The following MRPL11 variants were observed in gnomAD, a reference collection of about 807,000 sequenced individuals.
MRPL11 encodes the protein large ribosomal subunit protein uL11m.
MRPL11 carries 21 observed loss-of-function variants against 19.1 expected under a neutral mutation model. The ratio of observed to expected loss-of-function variants is 1.10; its 90% CI spans 0.78 to 1.58. The LOEUF (loss-of-function observed/expected upper bound fraction) is 1.58. MRPL11 is among the 40% of genes most tolerant of loss of function. MRPL11 has a pLI of 0.00. For missense variants in MRPL11, 242 were observed against 243.9 expected (o/e 0.99, Z 0.05); for synonymous variants, 108 against 99.7 (o/e 1.08, Z -0.49).
Position 66,435,847 on chromosome 11 carries a change from A to T in MRPL11, c.*160T>A. On this transcript the variant is annotated 3_prime_UTR_variant, in exon 5 of 5. Transcript: ENST00000310999. ...AGAAGATGACAGTGGGTAAGAAAGG[A>T]TGTTTATTCAGGCCTGATGCCTCGA... 1.7e-6 allele frequency: 1 copy of T among 599,894 alleles called. No homozygotes were observed. The highest frequency in any genetic ancestry group is 3.0e-6 in the Non-Finnish European group (1 of 331,178). 37.2% of individuals were successfully genotyped at this position (599,894 alleles called of 1,614,324 possible).
Position 66,438,231 on chromosome 11 carries a change from T to C in MRPL11, c.152A>G (p.Lys51Arg), listed in dbSNP as rs773074833. ...GTCCTTTGTCCTCTCATTGAACTCCTTGCAAAACTGGTTGATGGAAACGCC... is the reference window on the plus strand; with the variant it reads ...GTCCTTTGTCCTCTCATTGAACTCCCTGCAAAACTGGTTGATGGAAACGCC... The part of the protein sequence containing the change: ...QRGVSINQFC[K>R]EFNERTKDIK... The change falls in exon 2 of 5, where the codon AAG (lysine) becomes AGG (arginine). Residue 51 changes from lysine to arginine, a missense_variant. Coordinates refer to ENST00000310999, the MANE Select transcript of MRPL11 (RefSeq NM_016050.5). 4 of 1,614,014 alleles carry C rather than the reference T, an allele frequency of 2.5e-6. No homozygotes were observed. The highest frequency in any genetic ancestry group is 3.4e-6 in the Non-Finnish European group (4 of 1,179,900).
rs564751720 is a variant in MRPL11, at chr11:66,437,500, C to G, written c.220-57G>C. 1.9e-4 allele frequency: 281 copies of G among 1,498,352 alleles called. 6 individuals carry two copies. In the South Asian group the frequency reaches 3.1e-3, roughly 17 times the overall value. 92.8% of individuals were successfully genotyped at this position (1,498,352 alleles called of 1,614,324 possible). ...CTTCCTACTGCCCCATCCCAGGGAACTTCTAATGTCTTGCCCCCTGCTTCC... is the reference window on the plus strand; with the variant it reads ...CTTCCTACTGCCCCATCCCAGGGAAGTTCTAATGTCTTGCCCCCTGCTTCC... On this transcript the variant is annotated intron_variant, in intron 2 of 4. Transcript: ENST00000310999.
chr11:66,437,464 T>C (rs749743233), intron 2 of MRPL11, 21 bp from the exon 3 acceptor site: 35 of 1,609,198 alleles, frequency 2.2e-5, no homozygotes, highest in Non-Finnish European at 2.8e-5. Flanking sequence ...AAAAGAAATA[T>C]GAGATTCTCT....
chr11:66,437,590 G>C, intron 2 of MRPL11, 147 bp from the exon 3 acceptor site: 1 of 773,428 alleles, frequency 1.3e-6, no homozygotes, highest in South Asian at 1.8e-5. Flanking sequence ...AAATAAATCG[G>C]GGTCAGGCGC....
rs1856954253 is a variant in MRPL11 at position 66,435,816 on chromosome 11, C to T, written c.*191G>A. The T allele has an allele frequency of 5.3e-6, 3 of 563,874 alleles. No homozygotes were observed. The East Asian group carries it at 8.9e-5, about 17-fold the overall frequency. The allele number at this position is 563,874 out of a possible 1,614,324, so 34.9% of individuals were successfully genotyped here. On this transcript the variant is annotated 3_prime_UTR_variant, in exon 5 of 5. Coordinates refer to ENST00000310999, the MANE Select transcript of MRPL11 (RefSeq NM_016050.5). ...GTACTGGTTCCCTTCCCTGAGGTCC[C>T]AAGATAGAAGATGACAGTGGGTAAG...
chr11:66,438,548 G>C (rs1259905599), intron 1 of MRPL11, 84 bp downstream of exon 1: 2 of 1,470,638 alleles, frequency 1.4e-6, no homozygotes, highest in Non-Finnish European at 1.8e-6. Context: ...GGCCCGGGTG[G>C]TTCCAGGGCC....
At chr11:66,438,534 C>G in intron 1 of MRPL11, 98 bp downstream of exon 1, 1 of 1,452,642 alleles carries the variant, frequency 6.9e-7, no homozygotes, top group Non-Finnish European at 9.2e-7. Context: ...GAGCTCTGAA[C>G]CGAGGCCCGG....
rs1385709803 is a variant in MRPL11, at chr11:66,438,647, G to C, written c.108C>G (p.Gly36=). The part of the protein sequence containing the change: ...AGLAMPGPPL[G]PVLGQRGVSI... The stretch of plus-strand genomic sequence containing the variant: ...ACGGCCGCACCTGACCCAGCACTGG[G>C]CCTAGTGGGGGCCCGGGCATGGCCA... The change falls in exon 1 of 5, where the codon GGC becomes GGG. Residue 36 remains glycine, a synonymous_variant. Transcript: ENST00000310999. 9 of 1,553,424 alleles carry C rather than the reference G, an allele frequency of 5.8e-6. 1 individual carries two copies. The highest frequency in any genetic ancestry group is 7.8e-6 in the Non-Finnish European group (9 of 1,148,134).
At position 66,437,270 on chromosome 11, in the gene MRPL11, G is replaced by A. The variant is rs1172000280; in HGVS notation, c.314-7C>T. 1 of 1,614,052 alleles carries A rather than the reference G, an allele frequency of 6.2e-7. No homozygotes were observed. Among genetic ancestry groups the A allele is most frequent in the South Asian group, 1.1e-5 (1 of 91,080 alleles). ...AGGCCTGCCACCTCTTTCCCTGGGA[G>A]GAAGGAACAAGTGGCTCTTCAGGTG... is the stretch of plus-strand genomic sequence containing the variant. On this transcript the variant is annotated splice_region_variant and splice_polypyrimidine_tract_variant and intron_variant, in intron 3 of 4. Transcript: ENST00000310999.
chr11:66,436,771 A>C (rs902116203), intron 4 of MRPL11: 32 of 1,463,726 alleles, frequency 2.2e-5, no homozygotes, highest in Non-Finnish European at 2.8e-5. Context: ...ACACAGCTCA[A>C]AAGTCCTTCG....
At position 66,435,370 on chromosome 11, in the gene MRPL11, C is replaced by T. The variant is rs920809910; in HGVS notation, c.*637G>A. 2 of 152,206 alleles carry T rather than the reference C, an allele frequency of 1.3e-5. No individual in the cohort carries two copies. The highest frequency in any genetic ancestry group is 6.5e-5 in the Admixed American group (1 of 15,276). 9.4% of individuals were successfully genotyped at this position (152,206 alleles called of 1,614,324 possible). ...GTTCAGCCAACATCTGACCCAGAGC[C>T]AGGGTCAGGAGCTTAGTAGAAGGGC... On this transcript the variant is annotated 3_prime_UTR_variant, in exon 5 of 5. Coordinates refer to ENST00000310999, the MANE Select transcript of MRPL11 (RefSeq NM_016050.5).
At chr11:66,438,561 C>A (rs1310954394) in intron 1 of MRPL11, 71 bp downstream of exon 1, 16 of 1,481,530 alleles carry the variant, frequency 1.1e-5, no homozygotes, top group Non-Finnish European at 1.3e-5. Context: ...CCAGGGCCAG[C>A]GCCCTCCATC....
intron 4 of MRPL11, 126 bp from the exon 5 acceptor site, chr11:66,436,238 G>A: frequency 5.7e-6 from 4 of 699,414 alleles, no homozygotes; most frequent in Non-Finnish European, 7.4e-6. Context: ...GGCCCCTTCT[G>A]CCTCCCTGAC....
rs1167736478 is a variant in MRPL11, at chr11:66,438,643, C to A, written c.112G>T (p.Val38Leu). ...LAMPGPPLGP[V>L]LGQRGVSINQ... ...CGCCACGGCCGCACCTGACCCAGCA[C>A]TGGGCCTAGTGGGGGCCCGGGCATG... is the stretch of plus-strand genomic sequence containing the variant. Residue 38 changes from valine (V) to leucine (L), a missense_variant, in exon 1 of 5, where the codon GTG becomes TTG. Coordinates refer to ENST00000310999, the MANE Select transcript of MRPL11 (RefSeq NM_016050.5). The A allele has an allele frequency of 3.9e-6, 6 of 1,546,566 alleles. No homozygotes were observed. In the African/African-American group the frequency reaches 8.3e-5, roughly 21 times the overall value.
intron 4 of MRPL11, 159 bp downstream of exon 4, chr11:66,436,945 G>A: frequency 5.0e-6 from 8 of 1,596,978 alleles, no homozygotes; most frequent in Non-Finnish European, 6.9e-6. Flanking sequence ...GAGTATTCCA[G>A]ATCAATGAAT....
In MRPL11 at chr11:66,436,119, G is replaced by A. The variant is rs1471037843; in HGVS notation, c.474-7C>T. ...AAGCTCTTCTGAACTGAGGCTGCAA[G>A]TGAAAAAAGACAAATGGTTGGCGCA... is the stretch of plus-strand genomic sequence containing the variant. On this transcript the variant is annotated splice_region_variant and splice_polypyrimidine_tract_variant and intron_variant, in intron 4 of 4. Coordinates refer to ENST00000310999, the MANE Select transcript of MRPL11 (RefSeq NM_016050.5). The A allele has an allele frequency of 6.2e-7, 1 of 1,611,702 alleles. No homozygotes were observed. The highest frequency in any genetic ancestry group is 8.5e-7 in the Non-Finnish European group (1 of 1,178,244).
chr11:66,436,978 T>G, intron 4 of MRPL11, 126 bp downstream of exon 4: 1 of 595,134 alleles, frequency 1.7e-6, no homozygotes. Context: ...CCCCACCCCA[T>G]CCTCTAGAAT....
rs1856942846 is a variant in MRPL11, at chr11:66,435,239, G to A, written c.*768C>T. 1 of 152,226 alleles carries A rather than the reference G, an allele frequency of 6.6e-6. No homozygotes were observed. Among genetic ancestry groups the A allele is most frequent in the Non-Finnish European group, 1.5e-5 (1 of 68,080 alleles). 9.4% of individuals were successfully genotyped at this position (152,226 alleles called of 1,614,324 possible). ...GCTCTCTTCTCTGAAAGGACAATGA[G>A]GAAATAGAAGGCCAAGGGCTTCCCG... is the stretch of plus-strand genomic sequence containing the variant. On this transcript the variant is annotated 3_prime_UTR_variant, in exon 5 of 5. Coordinates refer to ENST00000310999, the MANE Select transcript of MRPL11 (RefSeq NM_016050.5).
At position 66,435,959 on chromosome 11, in the gene MRPL11, G is replaced by C. The variant is rs950094898; in HGVS notation, c.*48C>G. ...GACCTCCTTCCTCCCCTTGGGCACA[G>C]CTTTTGCAACTACCTCCTTTGAAAT... On this transcript the variant is annotated 3_prime_UTR_variant, in exon 5 of 5. Transcript: ENST00000310999. The C allele has an allele frequency of 6.8e-7, 1 of 1,465,306 alleles. No individual in the cohort carries two copies. The highest frequency in any genetic ancestry group is 1.2e-5 in the South Asian group (1 of 86,830). 90.8% of individuals were successfully genotyped at this position (1,465,306 alleles called of 1,614,324 possible).
Sources: allele counts gnomAD v4.1 joint callset, GRCh38; gene constraint gnomAD v4.1.1; transcripts MANE v1.5; gene names NCBI Gene and HGNC (gene_info 2026-07-23, HGNC 2026-07-21).